Variants in RPTOR observed in about 807,000 individuals in gnomAD.
RPTOR encodes the protein regulatory-associated protein of mTOR.
RPTOR carries 21 observed loss-of-function variants against 169.9 expected under a neutral mutation model. The observed-to-expected ratio is 0.12, with a 90% CI of 0.09 to 0.18. The LOEUF is 0.18. Among genes scored for constraint, RPTOR ranks in the 10% least tolerant of loss-of-function variants. The probability of loss-of-function intolerance (pLI) is 1.00; values close to 1 mark genes in which losing one functional copy is unlikely to be tolerated. For synonymous variants in RPTOR, 732 were observed against 753.2 expected, an observed-to-expected ratio of 0.97 and a Z score of 0.46; for missense variants, 1,133 against 1,855.9, an observed-to-expected ratio of 0.61 and a Z score of 7.16.
intron 5 of RPTOR, among the ~76,000 whole-genome samples, chr17:80,744,280 CTA>C (rs1203445337): frequency 1.4e-4 from 17 of 119,268 alleles, no homozygotes; most frequent in South Asian, 2.5e-4. Flanking sequence ...GCCCTGGTTA[CTA>C]GCACTGTCCT....
chr17:80,861,258 C>T lies in RPTOR; in HGVS notation c.1509+3358C>T, dbSNP rs2067914186. ...CGGCCGTCTGCCTTCAGCCACAGTTCCAGAGCTCAGAACCAGGACGTGGAA... is the reference window on the plus strand; with the variant it reads ...CGGCCGTCTGCCTTCAGCCACAGTTTCAGAGCTCAGAACCAGGACGTGGAA... On this transcript the variant is annotated intron_variant, in intron 13 of 33. Coordinates refer to ENST00000306801, the MANE Select transcript of RPTOR (RefSeq NM_020761.3). This position sits in a 1 kb window ranked among gnomAD's most constrained non-coding sequence, Gnocchi z 4.5. Among the ~76,000 whole-genome samples the T allele has an allele frequency of 1.4e-5, 2 of 144,354 alleles. 1 individual carries two copies. The highest frequency in any genetic ancestry group is 4.9e-5 in the African/African-American group (2 of 40,808). The allele number at this position is 144,354 out of a possible 152,430, so 94.7% of individuals were successfully genotyped here. A position where few individuals can be genotyped will look rare whatever the true frequency, so the allele number is the denominator to read the frequency against.
chr17:80,685,612 TATATATATATATATA>T (rs1472499365), intron 3 of RPTOR, among the ~76,000 whole-genome samples: 1 of 19,450 alleles, frequency 5.1e-5, no homozygotes, highest in African/African-American at 1.5e-4. Context: ...CATATATATA[TATATATATATATATA>T]TTTTTTTTTT....
chr17:80,825,129 T>C (rs12952621), intron 9 of RPTOR, among the ~76,000 whole-genome samples: 117 of 87,216 alleles, frequency 1.3e-3, no homozygotes, highest in Middle Eastern at 7.7e-3. Context: ...CCCACCTCTC[T>C]CTCTAGAGGC....
chr17:80,686,187 CTTT>C (rs3074397), intron 3 of RPTOR, among the ~76,000 whole-genome samples: 22 of 135,860 alleles, frequency 1.6e-4, no homozygotes, highest in Admixed American at 2.9e-4. Flanking sequence ...TTCATAACAA[CTTT>C]TTTTTTTTTT....
At chr17:80,757,023 C>A (rs981239550) in intron 6 of RPTOR, among the ~76,000 whole-genome samples, 5 of 152,142 alleles carry the variant, frequency 3.3e-5, no homozygotes, top group Admixed American at 3.3e-4. Flanking sequence ...AGGAGAGACA[C>A]TGCTGGAGCC....
chr17:80,604,553 T>C (rs2065214454), intron 1 of RPTOR, among the ~76,000 whole-genome samples: 2 of 152,184 alleles, frequency 1.3e-5, no homozygotes, highest in Non-Finnish European at 2.9e-5. Context: ...GTCCAGAAGG[T>C]AAAATCCTCC....
chr17:80,948,704 GCTTGAAGAGCGC>G (rs1369394140), intron 27 of RPTOR: 1 of 152,762 alleles, frequency 6.5e-6, no homozygotes, highest in African/African-American at 2.4e-5. Flanking sequence ...ATCAGCTGGG[GCTTGAAGAGCGC>G]CTGAGGGTCA....
At position 80,609,158 on chromosome 17, in the gene RPTOR, G is replaced by A. The variant is rs1228568676; in HGVS notation, c.163-16533G>A. Among the ~76,000 whole-genome samples the A allele has an allele frequency of 6.6e-6, 1 of 152,174 alleles. No individual in the cohort carries two copies. The highest frequency in any genetic ancestry group is 1.5e-5 in the Non-Finnish European group (1 of 68,020). Reference sequence around the variant, plus strand: ...CATCACTAGCCTGCCTCGGGCTGCAGGGGGCGGGGAGCACATGCGGCGTGC... The same window carrying A: ...CATCACTAGCCTGCCTCGGGCTGCAAGGGGCGGGGAGCACATGCGGCGTGC... On this transcript the variant is annotated intron_variant, in intron 1 of 33. Transcript: ENST00000306801. The surrounding 1 kb of genome is among the most constrained non-coding windows in gnomAD (Gnocchi z 4.8).
chr17:80,924,966 C>T (rs2068793429), intron 23 of RPTOR, among the ~76,000 whole-genome samples: 2 of 152,248 alleles, frequency 1.3e-5, no homozygotes, highest in Admixed American at 1.3e-4. Context: ...ACATGGGAGT[C>T]CCCGCTCTCA....
chr17:80,836,725 G>C (rs994299666), intron 9 of RPTOR, among the ~76,000 whole-genome samples: 1 of 152,132 alleles, frequency 6.6e-6, no homozygotes, highest in Non-Finnish European at 1.5e-5. Context: ...CCGGCAGAGG[G>C]GCCCATTGGG....
At chr17:80,706,810 C>T (rs1290146075) in intron 3 of RPTOR, among the ~76,000 whole-genome samples, 2 of 152,144 alleles carry the variant, frequency 1.3e-5, no homozygotes, top group South Asian at 4.1e-4. Context: ...ATTAAACGAG[C>T]GAGAGCTGAC....
chr17:80,624,509 A>G (rs1453345294), intron 1 of RPTOR, among the ~76,000 whole-genome samples: 1 of 152,220 alleles, frequency 6.6e-6, no homozygotes, highest in Non-Finnish European at 1.5e-5. Flanking sequence ...TGAAATATAA[A>G]GATAAATTAG....
intron 3 of RPTOR, among the ~76,000 whole-genome samples, chr17:80,675,322 T>C (rs1040049874): frequency 1.3e-5 from 2 of 152,214 alleles, no homozygotes; most frequent in Non-Finnish European, 2.9e-5. Context: ...TGGGATGAAG[T>C]TGGCTTCTTT....
intron 4 of RPTOR, among the ~76,000 whole-genome samples, chr17:80,718,605 TGA>T (rs1191457480): frequency 6.6e-6 from 1 of 152,184 alleles, no homozygotes; most frequent in Non-Finnish European, 1.5e-5. Context: ...TTGCTCGGGC[TGA>T]GTCTTACAGA....
At chr17:80,751,816 G>A (rs936393352) in intron 5 of RPTOR, among the ~76,000 whole-genome samples, 5 of 152,208 alleles carry the variant, frequency 3.3e-5, no homozygotes, top group Admixed American at 2.6e-4. Flanking sequence ...TCTGTCATGC[G>A]ATGCTCCAGC....
At chr17:80,743,810 TACTAGCAGAGCCCTGGCTACTAGCACAGC>T (rs1567887389) in intron 5 of RPTOR, among the ~76,000 whole-genome samples, 2 of 131,670 alleles carry the variant, frequency 1.5e-5, no homozygotes, top group African/African-American at 2.9e-5. Flanking sequence ...CAGCCCTGGC[TACTAGCAGAGCCCTGGCTACTAGCACAGC>T]CCTGGTTACT....
intron 3 of RPTOR, among the ~76,000 whole-genome samples, chr17:80,693,268 C>T (rs1256777259): frequency 5.9e-5 from 9 of 152,172 alleles, no homozygotes; most frequent in African/African-American, 1.9e-4. Flanking sequence ...GCCAGCAGGG[C>T]CCACTTCTCC....
At chr17:80,768,715 C>A (rs934063175) in intron 6 of RPTOR, among the ~76,000 whole-genome samples, 3 of 152,136 alleles carry the variant, frequency 2.0e-5, no homozygotes, top group Non-Finnish European at 4.4e-5. Context: ...TGACTTATAT[C>A]CCCATCACAC....
At chr17:80,547,313 T>A (rs1230727559) in intron 1 of RPTOR, among the ~76,000 whole-genome samples, 5 of 152,256 alleles carry the variant, frequency 3.3e-5, no homozygotes, top group Non-Finnish European at 7.3e-5. Flanking sequence ...AAAGACTTTT[T>A]AAAAAATTCT....
Sources: allele counts gnomAD v4.1 joint callset (sites outside exome capture counted in the v4.1 genomes callset), GRCh38; gene constraint gnomAD v4.1.1; non-coding constraint Gnocchi (gnomAD v3.1); transcripts MANE v1.5; gene names NCBI Gene and HGNC (gene_info 2026-07-23, HGNC 2026-07-21).